The following RCOR3 variants were observed in gnomAD, a reference collection of about 807,000 sequenced individuals.
RCOR3 encodes REST corepressor 3.
RCOR3 carries 13 observed loss-of-function variants against 64.1 expected under a neutral mutation model. That is an observed-to-expected ratio of 0.20 (90% CI 0.13 to 0.32). RCOR3 has a LOEUF of 0.32. Ranked by LOEUF, RCOR3 falls within the 10% of genes least tolerant of loss-of-function variation. RCOR3 has a pLI of 1.00. For missense variants in RCOR3, 489 were observed against 701.2 expected, an observed-to-expected ratio of 0.70 and a Z score of 3.42; for synonymous variants, 215 against 239.0, an observed-to-expected ratio of 0.90 and a Z score of 0.93.
chr1:211,290,144 C>A (rs1201948172), intron 8 of RCOR3, among the ~76,000 whole-genome samples: 2 of 151,914 alleles, frequency 1.3e-5, no homozygotes, highest in African/African-American at 2.4e-5. Flanking sequence ...TTTTCTTATC[C>A]CTTAAATCTA....
rs776600321 is a variant in RCOR3, at chr1:211,312,958, G to A, written c.1314G>A (p.Glu438=). ...VPSGKSTDEE[E]EAQTPQAPRT... is the part of the protein sequence containing the mutation. ...CAGGGAAGAGCACTGATGAAGAAGA[G>A]GAGGTGTGTTTGTGTATGGAATTTG... Residue 438 remains glutamate, a synonymous_variant, in exon 11 of 12, where the codon GAG becomes GAA. Transcript: ENST00000419091. This position sits in a 1 kb window ranked among gnomAD's most constrained non-coding sequence, Gnocchi z 5.0. 4 of 1,614,204 alleles carry A rather than the reference G, an allele frequency of 2.5e-6. 1 individual carries two copies. In the Admixed American group the frequency reaches 6.7e-5, roughly 27 times the overall value.
chr1:211,275,734 T>G (rs763007032), intron 4 of RCOR3, among the ~76,000 whole-genome samples: 5 of 152,196 alleles, frequency 3.3e-5, no homozygotes, highest in Non-Finnish European at 7.4e-5. Flanking sequence ...AAATGTGGTT[T>G]AAAAAATTGT....
At chr1:211,280,327 G>A (rs951825966) in intron 7 of RCOR3, among the ~76,000 whole-genome samples, 2 of 152,048 alleles carry the variant, frequency 1.3e-5, no homozygotes, top group South Asian at 2.1e-4. Flanking sequence ...CCTTTCCACC[G>A]TGGTATATTA....
chr1:211,264,886 C>T (rs1185420947), intron 2 of RCOR3, among the ~76,000 whole-genome samples: 1 of 152,126 alleles, frequency 6.6e-6, no homozygotes, highest in Non-Finnish European at 1.5e-5. Context: ...TTAGTGCCTA[C>T]TAACTGTACT....
intron 7 of RCOR3, among the ~76,000 whole-genome samples, chr1:211,287,754 G>A (rs1698723290): frequency 6.6e-6 from 1 of 152,134 alleles, no homozygotes; most frequent in African/African-American, 2.4e-5. Context: ...GGTGGCGGGT[G>A]CCTGTAATCC....
intron 10 of RCOR3, among the ~76,000 whole-genome samples, chr1:211,308,760 G>A (rs1322197074): frequency 1.1e-5 from 1 of 91,094 alleles, no homozygotes; most frequent in African/African-American, 3.0e-5. Context: ...CACCAAGGCT[G>A]GAGCACAGTG....
At chr1:211,271,428 T>C in intron 3 of RCOR3, 119 bp downstream of exon 3, 1 of 742,248 alleles carries the variant, frequency 1.3e-6, no homozygotes, top group Non-Finnish European at 2.3e-6. Flanking sequence ...TTGTCTTTGT[T>C]TTATTTTTTA....
At chr1:211,308,498 T>C (rs78643561) in intron 10 of RCOR3, among the ~76,000 whole-genome samples, 4,221 of 152,158 alleles carry the variant, frequency 0.028, 208 homozygotes, top group African/African-American at 0.095. Context: ...CTAGATGTTA[T>C]TGTATTCCTA....
intron 7 of RCOR3, 107 bp downstream of exon 7, chr1:211,279,423 A>C (rs1558065747): frequency 4.1e-6 from 3 of 737,278 alleles, no homozygotes; most frequent in South Asian, 4.0e-5. Flanking sequence ...GCTTTATGAG[A>C]TAGTAAATTT....
Position 211,312,413 on chromosome 1 carries a change from A to G in RCOR3, c.1076-307A>G, listed in dbSNP as rs547216010. 1.2e-5 allele frequency: 6 copies of G among 508,554 alleles called. No homozygotes were observed. Among genetic ancestry groups the G allele is most frequent in the East Asian group, 5.3e-5 (1 of 18,792 alleles). 31.5% of individuals were successfully genotyped at this position (508,554 alleles called of 1,614,324 possible). On this transcript the variant is annotated intron_variant, in intron 10 of 11. Transcript: ENST00000419091. This position sits in a 1 kb window ranked among gnomAD's most constrained non-coding sequence, Gnocchi z 5.0. ...AATTGAGGATGGAACAAAGAATTCA[A>G]TGCTTTACAATAAATGGACTGTATT...
At chr1:211,267,470 A>G (rs917312746) in intron 2 of RCOR3, among the ~76,000 whole-genome samples, 1 of 152,228 alleles carries the variant, frequency 6.6e-6, no homozygotes, top group African/African-American at 2.4e-5. Context: ...GGATTGCTCT[A>G]TGTATGCTGC....
At position 211,271,225 on chromosome 1, in the gene RCOR3, C is replaced by G. The variant is rs1558051982; in HGVS notation, c.224-7C>G. On this transcript the variant is annotated splice_region_variant and splice_polypyrimidine_tract_variant and intron_variant, in intron 2 of 11. Coordinates refer to ENST00000419091, the MANE Select transcript of RCOR3 (RefSeq NM_001136223.3). ...TCATATTCAAAGTAATTATCTTTTTCCCCCAGGTGCTACAAAGTACACAGA... is the reference window on the plus strand; with the variant it reads ...TCATATTCAAAGTAATTATCTTTTTGCCCCAGGTGCTACAAAGTACACAGA... 1 of 1,607,666 alleles carries G rather than the reference C, an allele frequency of 6.2e-7. No homozygotes were observed. The highest frequency in any genetic ancestry group is 2.2e-5 in the East Asian group (1 of 44,804).
intron 2 of RCOR3, among the ~76,000 whole-genome samples, chr1:211,260,675 C>G (rs1694096287): frequency 6.7e-6 from 1 of 149,936 alleles, no homozygotes; most frequent in African/African-American, 2.4e-5. Flanking sequence ...TCTTTTCTTT[C>G]TTTTTGGCTA....
Position 211,259,504 on chromosome 1 carries a change from C to T in RCOR3, c.-57C>T, listed in dbSNP as rs935191994. 6 of 1,518,060 alleles carry T rather than the reference C, an allele frequency of 4.0e-6. No homozygotes were observed. The African/African-American group carries it at 5.7e-5, about 14-fold the overall frequency. 94.0% of individuals were successfully genotyped at this position (1,518,060 alleles called of 1,614,324 possible). A position where few individuals can be genotyped will look rare whatever the true frequency, so the allele number is the denominator to read the frequency against. Reference sequence around the variant, plus strand: ...TCCCGCCCGCGCTCTAAGCCATCTCCGCCTTCACCCTGACGCCTGCCTCTT... The same window carrying T: ...TCCCGCCCGCGCTCTAAGCCATCTCTGCCTTCACCCTGACGCCTGCCTCTT... On this transcript the variant is annotated 5_prime_UTR_variant, in exon 1 of 12. Transcript: ENST00000419091.
Position 211,314,540 on chromosome 1 carries a change from A to G in RCOR3, c.*772A>G, listed in dbSNP as rs923279763. 1.3e-5 allele frequency: 2 copies of G among 152,188 alleles called. No homozygotes were observed. Among genetic ancestry groups the G allele is most frequent in the Middle Eastern group, 3.2e-3 (1 of 316 alleles). The allele number at this position is 152,188 out of a possible 1,614,324, so 9.4% of individuals were successfully genotyped here. A position where few individuals can be genotyped will look rare whatever the true frequency, so the allele number is the denominator to read the frequency against. On this transcript the variant is annotated 3_prime_UTR_variant, in exon 12 of 12. Coordinates refer to ENST00000419091, the MANE Select transcript of RCOR3 (RefSeq NM_001136223.3). Reference sequence around the variant, plus strand: ...GAGGATTGGAAGAATAATTTTGCATACAAATGAGGACTTAATTTGTTGAAA... The same window carrying G: ...GAGGATTGGAAGAATAATTTTGCATGCAAATGAGGACTTAATTTGTTGAAA...
intron 2 of RCOR3, among the ~76,000 whole-genome samples, chr1:211,262,272 G>A (rs1188377127): frequency 6.6e-6 from 1 of 151,650 alleles, no homozygotes. Flanking sequence ...TCCTGACCTC[G>A]TGATCTGCTG....
Position 211,313,632 on chromosome 1 carries a change from C to T in RCOR3, c.1526C>T (p.Pro509Leu). The T allele has an allele frequency of 1.2e-6, 2 of 1,614,216 alleles. No individual in the cohort carries two copies. Among genetic ancestry groups the T allele is most frequent in the Non-Finnish European group, 8.5e-7 (1 of 1,180,032 alleles). ...CAGCCCCGGCCAACTTTAAATCAGC[C>T]TCCACCACCTCTTATTCGCCCTGCT... ...FIQPRPTLNQPPPPLIRPANS... is the reference protein window; with the variant it reads ...FIQPRPTLNQLPPPLIRPANS... The change falls in exon 12 of 12, where the codon CCT becomes CTT. Residue 509 changes from proline (P) to leucine (L), a missense_variant. Transcript: ENST00000419091. The surrounding 1 kb of genome is among the most constrained non-coding windows in gnomAD (Gnocchi z 4.7).
chr1:211,292,807 C>A (rs777159567), intron 8 of RCOR3, among the ~76,000 whole-genome samples: 5 of 151,988 alleles, frequency 3.3e-5, no homozygotes, highest in Non-Finnish European at 5.9e-5. Context: ...ATGTCTTGGC[C>A]GGGTGCAGTG....
intron 2 of RCOR3, among the ~76,000 whole-genome samples, chr1:211,265,054 T>G (rs1287033865): frequency 6.6e-6 from 1 of 152,238 alleles, no homozygotes; most frequent in African/African-American, 2.4e-5. Context: ...ATCACAAGAT[T>G]AAGTGAAAAT....
Sources: allele counts gnomAD v4.1 joint callset (sites outside exome capture counted in the v4.1 genomes callset), GRCh38; gene constraint gnomAD v4.1.1; non-coding constraint Gnocchi (gnomAD v3.1); transcripts MANE v1.5; gene names NCBI Gene and HGNC (gene_info 2026-07-23, HGNC 2026-07-21).